The following GON4L variants were observed in gnomAD, a reference collection of about 807,000 sequenced individuals.
GON4L encodes gon-4 like.
A neutral mutation model predicts 211.8 loss-of-function variants in GON4L; 87 were observed. The ratio of observed to expected loss-of-function variants is 0.41; its 90% confidence interval spans 0.35 to 0.49. GON4L has a LOEUF of 0.49. Ranked by LOEUF, GON4L falls within the 20% of genes least tolerant of loss-of-function variation. The probability of loss-of-function intolerance (pLI) is 0.15; values close to 1 mark genes in which losing one functional copy is unlikely to be tolerated. For missense variants in GON4L, 2,155 were observed against 2,659.5 expected (o/e 0.81, Z 4.17); for synonymous variants, 875 against 962.6 (o/e 0.91, Z 1.68).
At chr1:155,829,044 C>G (rs539857105) in intron 2 of GON4L, among the ~76,000 whole-genome samples, 2 of 152,142 alleles carry the variant, frequency 1.3e-5, no homozygotes, top group African/African-American at 2.4e-5. Context: ...CATTTTCTTT[C>G]AAAACACATG....
At chr1:155,764,703 T>G (rs1271458210) in intron 21 of GON4L, 5 of 776,870 alleles carry the variant, frequency 6.4e-6, no homozygotes, top group Non-Finnish European at 8.3e-6. Context: ...CCTCCCAAAG[T>G]GCTGGGACTA....
At chr1:155,748,402 C>T, downstream of GON4L, 8 of 1,609,842 alleles carry the variant, frequency 5.0e-6, no homozygotes, top group Non-Finnish European at 6.0e-6. Flanking sequence ...TCTTACAGGC[C>T]ATTCTGCCCT....
At chr1:155,817,564 C>T (rs1668358485) in intron 6 of GON4L, among the ~76,000 whole-genome samples, 1 of 152,026 alleles carries the variant, frequency 6.6e-6, no homozygotes, top group Non-Finnish European at 1.5e-5. Flanking sequence ...CTACCTACTG[C>T]CAAATCCATT....
rs76758809 is a variant in GON4L at position 155,814,382 on chromosome 1, C to T, written c.1229G>A (p.Arg410Lys). The T allele has an allele frequency of 8.4e-4, 1,356 of 1,612,516 alleles. 5 individuals carry two copies. The African/African-American group carries it at 0.016, about 19-fold the overall frequency. ...TGTTTCAGTCATCTCAGAAGACTGC[C>T]TCAATCTGGATTTCTTTGCCCCACG... The part of the protein sequence containing the change: ...SPRGAKKSRL[R>K]QSSEMTETDE... Residue 410 changes from arginine (R) to lysine (K), a missense_variant, in exon 9 of 32, where the codon AGG becomes AAG. Arg to Lys is a conservative substitution (Grantham distance 26). Transcript: ENST00000368331.
At chr1:155,785,638 T>C (rs1379206292) in intron 12 of GON4L, among the ~76,000 whole-genome samples, 1 of 152,042 alleles carries the variant, frequency 6.6e-6, no homozygotes, top group Admixed American at 6.6e-5. Context: ...CACAGACGCA[T>C]GCCACCATGC....
chr1:155,845,294 A>G (rs1280192343), intron 2 of GON4L: 1 of 191,372 alleles, frequency 5.2e-6, no homozygotes, highest in Non-Finnish European at 1.1e-5. Flanking sequence ...CTTATTATAC[A>G]CTAATTATAA....
In GON4L at chr1:155,822,561, A is replaced by C. The variant is rs951387992; in HGVS notation, c.698-85T>G. The C allele has an allele frequency of 8.4e-6, 8 of 954,150 alleles. No individual in the cohort carries two copies. In the African/African-American group the frequency reaches 1.1e-4, roughly 13 times the overall value. 59.1% of individuals were successfully genotyped at this position (954,150 alleles called of 1,614,324 possible). Reference sequence around the variant, plus strand: ...CAGAAAGCCAACAGTAAAGTGGATAAATCTCAAAAGCATTATGCTGTGAAA... The same window carrying C: ...CAGAAAGCCAACAGTAAAGTGGATACATCTCAAAAGCATTATGCTGTGAAA... On this transcript the variant is annotated intron_variant, in intron 3 of 31. Coordinates refer to ENST00000368331, the MANE Select transcript of GON4L (RefSeq NM_001282860.2).
chr1:155,754,903 CTTTTTTTT>C (rs112004109), intron 27 of GON4L, among the ~76,000 whole-genome samples: 1 of 104,560 alleles, frequency 9.6e-6, no homozygotes, highest in African/African-American at 3.7e-5. Context: ...TCTCCCCATG[CTTTTTTTT>C]TTTTTTTTTT....
intron 11 of GON4L, among the ~76,000 whole-genome samples, chr1:155,797,278 C>T (rs776212813): frequency 1.6e-4 from 25 of 151,834 alleles, no homozygotes; most frequent in Admixed American, 1.4e-3. Flanking sequence ...CCATGCCCAG[C>T]TAATTTTTAT....
downstream of GON4L, chr1:155,749,468 C>T (rs1361541460): frequency 1.4e-5 from 21 of 1,511,048 alleles, no homozygotes; most frequent in East Asian, 7.1e-5. Flanking sequence ...TCTTGCCAAC[C>T]GCAACCCTCC....
intron 2 of GON4L, among the ~76,000 whole-genome samples, chr1:155,838,358 G>C (rs1403152194): frequency 6.6e-6 from 1 of 152,178 alleles, no homozygotes; most frequent in Non-Finnish European, 1.5e-5. Flanking sequence ...GAAAATAGCT[G>C]AATCTTCTCA....
intron 10 of GON4L, among the ~76,000 whole-genome samples, chr1:155,813,076 C>A (rs1049955925): frequency 2.6e-5 from 4 of 152,066 alleles, no homozygotes; most frequent in Non-Finnish European, 4.4e-5. Context: ...TTGGGTGAAG[C>A]TTTTTCCTAT....
At chr1:155,840,848 C>T (rs1186910082) in intron 2 of GON4L, among the ~76,000 whole-genome samples, 1 of 152,154 alleles carries the variant, frequency 6.6e-6, no homozygotes, top group Non-Finnish European at 1.5e-5. Context: ...GCCTGACCAA[C>T]ATGGAGAAAC....
chr1:155,790,135 T>A (rs1175007974), intron 12 of GON4L, among the ~76,000 whole-genome samples: 3 of 151,836 alleles, frequency 2.0e-5, no homozygotes, highest in African/African-American at 7.3e-5. Flanking sequence ...CGTCTCACTC[T>A]GTTGCCCTGG....
chr1:155,752,429 C>A lies in GON4L; in HGVS notation c.6004G>T (p.Glu2002Ter). 6.4e-7 allele frequency: 1 copy of A among 1,572,530 alleles called. No individual in the cohort carries two copies. Among genetic ancestry groups the A allele is most frequent in the Non-Finnish European group, 8.6e-7 (1 of 1,158,440 alleles). The stretch of plus-strand genomic sequence containing the variant: ...GATGCCTTGGGGCAGGAGCGAACCT[C>A]AGGCCCAACCTGGTTTCTCTTAACA... ...YTVKRNQVGP[E>*]VRSCPKASPR... The change falls in exon 30 of 32, where the codon GAG becomes TAG. Residue 2002 changes from glutamate to a stop codon, truncating the protein, a stop_gained. Coordinates refer to ENST00000368331, the MANE Select transcript of GON4L (RefSeq NM_001282860.2). LOFTEE classifies it high-confidence loss of function.
At chr1:155,754,524 G>GTTTT (rs760971402) in intron 27 of GON4L, 36 bp from the exon 28 acceptor site, 898 of 475,116 alleles carry the variant, frequency 1.9e-3, no homozygotes, top group South Asian at 2.4e-3. Flanking sequence ...CTGCCAAGTT[G>GTTTT]TTTTTTTTTT....
chr1:155,747,915 A>G, downstream of GON4L: 1 of 1,562,042 alleles, frequency 6.4e-7, no homozygotes, highest in Admixed American at 1.8e-5. Flanking sequence ...AACTTGGAGG[A>G]GTAAACATTC....
chr1:155,772,932 C>T, intron 18 of GON4L, 134 bp downstream of exon 18: 12 of 1,164,328 alleles, frequency 1.0e-5, no homozygotes, highest in Non-Finnish European at 1.5e-5. Flanking sequence ...CTCTGCTCAT[C>T]TATATTGCTT....
intron 22 of GON4L, 112 bp downstream of exon 22, chr1:155,763,200 G>T (rs1662027377): frequency 2.1e-6 from 2 of 944,462 alleles, no homozygotes; most frequent in South Asian, 1.7e-5. Context: ...GATCCAGAGG[G>T]TTTCCTCTGG....
Sources: gnomAD v4.1 joint callset for allele counts (sites outside exome capture counted in the v4.1 genomes callset) on GRCh38, gnomAD v4.1.1 for gene constraint, MANE v1.5 for transcripts, NCBI Gene and HGNC (gene_info 2026-07-23, HGNC 2026-07-21) for gene names.